GPR135: variants seen among roughly 807,000 people sequenced by gnomAD.
The protein encoded by GPR135 is G protein-coupled receptor 135, also known as G-protein coupled receptor 135.
A neutral mutation model predicts 15.0 loss-of-function variants in GPR135; 17 were observed. That is an observed-to-expected ratio of 1.13 (90% CI 0.78 to 1.70). GPR135 has a LOEUF of 1.70. Among genes scored for constraint, GPR135 ranks in the 40% most tolerant of loss-of-function variants. GPR135 has a pLI of 0.00. For missense variants in GPR135, 776 were observed against 727.0 expected (o/e 1.07, Z -0.78); for synonymous variants, 368 against 349.4 (o/e 1.05, Z -0.59).
Position 59,463,302 on chromosome 14 carries a change from C to A in GPR135, c.*440G>T. 6.1e-6 allele frequency: 1 copy of A among 164,514 alleles called. No homozygotes were observed. Among genetic ancestry groups the A allele is most frequent in the Non-Finnish European group, 1.3e-5 (1 of 75,400 alleles). The allele number at this position is 164,514 out of a possible 1,614,324, so 10.2% of individuals were successfully genotyped here. A position where few individuals can be genotyped will look rare whatever the true frequency, so the allele number is the denominator to read the frequency against. On this transcript the variant is annotated 3_prime_UTR_variant, in exon 1 of 1. Transcript: ENST00000395116. Reference sequence around the variant, plus strand: ...ACCCAAAGCATGTCAGAGGTGCAAGCTCTAGAAGCTAAAGTTTTGTTGGAT... The same window carrying A: ...ACCCAAAGCATGTCAGAGGTGCAAGATCTAGAAGCTAAAGTTTTGTTGGAT...
intron 6 of GPR135, among the ~76,000 whole-genome samples, chr14:59,453,199 G>C (rs1426960521): frequency 6.6e-6 from 1 of 152,194 alleles, no homozygotes; most frequent in South Asian, 2.1e-4. Context: ...ACAACACGAA[G>C]AGTGAATGAA....
In GPR135 at chr14:59,463,929, C is replaced by A. The variant is rs751982630; in HGVS notation, c.1298G>T (p.Arg433Leu). The A allele has an allele frequency of 4.3e-6, 7 of 1,613,848 alleles. No individual in the cohort carries two copies. In the South Asian group the frequency reaches 4.4e-5, roughly 10 times the overall value. Residue 433 changes from arginine (R) to leucine (L), a missense_variant, in exon 1 of 1, where the codon CGC (arginine) becomes CTC (leucine). Arg to Leu is a moderately radical substitution (Grantham distance 102, BLOSUM62 -2). Coordinates refer to ENST00000395116, the MANE Select transcript of GPR135 (RefSeq NM_022571.6). ...QARSRSRLRN[R>L]YANRLGACNR... ...GCAGGCCCCCAGCCGGTTGGCATAG[C>A]GGTTTCGAAGGCGACTGCGGCTTCT... is the stretch of plus-strand genomic sequence containing the variant.
At chr14:59,460,268 G>T (rs1888808184), downstream of GPR135, 1 of 152,166 alleles carries the variant, frequency 6.6e-6, no homozygotes. Flanking sequence ...GATGACTGGG[G>T]TCATCTTGAG....
Position 59,464,293 on chromosome 14 carries a change from G to C in GPR135, c.934C>G (p.Arg312Gly), listed in dbSNP as rs374204109. 1.2e-6 allele frequency: 2 copies of C among 1,611,754 alleles called. No individual in the cohort carries two copies. The change falls in exon 1 of 1, where the codon CGG becomes GGG. Residue 312 changes from arginine to glycine, a missense_variant. By Grantham distance (125) the Arg-to-Gly change is moderately radical. Transcript: ENST00000395116. ...ACGCGCGCGTAGGTGTTCACCGGCC[G>C]CACGCGCACGTCCGACAGGCGCACC... ...KTVRLSDVRV[R>G]PVNTYARVLR... is the part of the protein sequence containing the mutation.
chr14:59,464,249 CT>C lies in GPR135; in HGVS notation c.977del (p.Glu326GlyfsTer11). 1 of 1,611,998 alleles carries C rather than the reference CT, an allele frequency of 6.2e-7. No individual in the cohort carries two copies. The highest frequency in any genetic ancestry group is 8.5e-7 in the Non-Finnish European group (1 of 1,179,910). On this transcript the variant is annotated frameshift_variant, in exon 1 of 1. Coordinates refer to ENST00000395116, the MANE Select transcript of GPR135 (RefSeq NM_022571.6). LOFTEE classifies it high-confidence loss of function. Reference protein sequence around the residue: ...TYARVLRFFSEVRTATTVLIM... With the variant: ...TYARVLRFFSXVRTATTVLIM... ...TGAGGACGGTGGTGGCCGTGCGCAC[CT>C]CGCTGAAGAAGCGCAGCACGCGCGC...
At chr14:59,459,279 T>C (rs1245367542), downstream of GPR135, among the ~76,000 whole-genome samples, 2 of 152,174 alleles carry the variant, frequency 1.3e-5, no homozygotes, top group East Asian at 1.9e-4. Flanking sequence ...TCAAAACATA[T>C]CAAAAACCAA....
downstream of GPR135, among the ~76,000 whole-genome samples, chr14:59,458,025 G>A (rs2139764415): frequency 6.6e-6 from 1 of 152,284 alleles, no homozygotes; most frequent in East Asian, 1.9e-4. Flanking sequence ...CTCCTTCTGT[G>A]AGGCTTATTA....
chr14:59,465,081 GT>G lies in GPR135; in HGVS notation c.145del (p.Thr49ProfsTer7). 3 of 1,376,910 alleles carry G rather than the reference GT, an allele frequency of 2.2e-6. No homozygotes were observed. The highest frequency in any genetic ancestry group is 2.8e-6 in the Non-Finnish European group (3 of 1,066,762). The allele number at this position is 1,376,910 out of a possible 1,614,324, so 85.3% of individuals were successfully genotyped here. A position where few individuals can be genotyped will look rare whatever the true frequency, so the allele number is the denominator to read the frequency against. ...GTCGCTCAGGTTCCCCAGCGCCGCG[GT>G]CGCCACGGTGCTGAAGGAGAGCACG... ...AAVLSFSTVA[T>X]AALGNLSDAS... On this transcript the variant is annotated frameshift_variant, in exon 1 of 1. Transcript: ENST00000395116. LOFTEE classifies it high-confidence loss of function.
downstream of GPR135, among the ~76,000 whole-genome samples, chr14:59,457,884 A>G (rs1888715458): frequency 6.6e-6 from 1 of 152,000 alleles, no homozygotes; most frequent in South Asian, 2.1e-4. Flanking sequence ...ATTTCTGTGC[A>G]TGTCTCATAT....
chr14:59,458,252 G>A (rs965877689), downstream of GPR135, among the ~76,000 whole-genome samples: 1 of 152,076 alleles, frequency 6.6e-6, no homozygotes, highest in Non-Finnish European at 1.5e-5. Context: ...TTTGCTAATT[G>A]CCCTATTGTT....
chr14:59,459,622 T>C (rs760476066), downstream of GPR135, among the ~76,000 whole-genome samples: 15 of 152,246 alleles, frequency 9.9e-5, no homozygotes, highest in Non-Finnish European at 2.1e-4. Context: ...CAGAGTAAGA[T>C]GTTGAGTTGC....
chr14:59,455,503 T>G (rs1293083619), intron 6 of GPR135, among the ~76,000 whole-genome samples: 1 of 152,264 alleles, frequency 6.6e-6, no homozygotes, highest in Non-Finnish European at 1.5e-5. Flanking sequence ...TGTAACAAGC[T>G]AGCTCCAAAT....
rs1189855537 is a variant in GPR135 at position 59,464,964 on chromosome 14, GGCCGCCTCACC to G, written c.252_262del (p.Val85AlafsTer30). 4.0e-6 allele frequency: 6 copies of G among 1,506,050 alleles called. No individual in the cohort carries two copies. The Admixed American group carries it at 1.3e-4, about 34-fold the overall frequency. The allele number at this position is 1,506,050 out of a possible 1,614,324, so 93.3% of individuals were successfully genotyped here. ...CAGCGGCGCCGCCTCCGGGCCTAGCGGCCGCCTCACCGCCGCCCCCGCCTCCCGCGCTGCCC... is the reference window on the plus strand; with the variant it reads ...CAGCGGCGCCGCCTCCGGGCCTAGCGGCCGCCCCCGCCTCCCGCGCTGCCC... On this transcript the variant is annotated frameshift_variant, in exon 1 of 1. Coordinates refer to ENST00000395116, the MANE Select transcript of GPR135 (RefSeq NM_022571.6). LOFTEE classifies it high-confidence loss of function.
chr14:59,464,709 G>A lies in GPR135; in HGVS notation c.518C>T (p.Pro173Leu). The A allele has an allele frequency of 6.4e-7, 1 of 1,568,526 alleles. No homozygotes were observed. The highest frequency in any genetic ancestry group is 8.6e-7 in the Non-Finnish European group (1 of 1,160,228). Residue 173 changes from proline to leucine, a missense_variant, in exon 1 of 1, where the codon CCT becomes CTT. Pro to Leu is a moderately conservative substitution (Grantham distance 98). Transcript: ENST00000395116. ...GCGCCAGGGCCCCGCGGCGGCGGCA[G>A]GCGCCGAACCCCCGGGCGGAGTGAA... is the stretch of plus-strand genomic sequence containing the variant. Reference protein sequence around the residue: ...DLFTPPGGSAPAAAAGPWRGF... With the variant: ...DLFTPPGGSALAAAAGPWRGF...
chr14:59,465,007 C>T lies in GPR135; in HGVS notation c.220G>A (p.Gly74Arg). 7.5e-7 allele frequency: 1 copy of T among 1,340,372 alleles called. No homozygotes were observed. Among genetic ancestry groups the T allele is most frequent in the Non-Finnish European group, 9.5e-7 (1 of 1,049,886 alleles). 83.0% of individuals were successfully genotyped at this position (1,340,372 alleles called of 1,614,324 possible). ...CCCGCCTCCCGCGCTGCCCCGGACC[C>T]GCCAAGGCCGCCGCCACCGGGAGCG... The part of the protein sequence containing the change: ...AAAPGGGGLG[G>R]SGAAREAGAA... Residue 74 changes from glycine to arginine, a missense_variant, in exon 1 of 1, where the codon GGG (glycine) becomes AGG (arginine). Gly to Arg is a moderately radical substitution (Grantham distance 125). Coordinates refer to ENST00000395116, the MANE Select transcript of GPR135 (RefSeq NM_022571.6).
At chr14:59,453,321 T>A (rs1262131) in intron 6 of GPR135, among the ~76,000 whole-genome samples, 82,760 of 151,994 alleles carry the variant, frequency 0.54, 24,878 homozygotes, top group African/African-American at 0.8. Flanking sequence ...GAGGTTTTGC[T>A]TGTGTTGGGG....
In GPR135 at chr14:59,454,400, A is replaced by G. The variant is rs77081868; in HGVS notation, c.*874+1284T>C. Among the ~76,000 whole-genome samples, 1,282 of 152,358 alleles carry G rather than the reference A, an allele frequency of 8.4e-3. 12 individuals are homozygous for G. Among genetic ancestry groups the G allele is most frequent in the Non-Finnish European group, 0.015 (1,026 of 68,032 alleles). On this transcript the variant is annotated intron_variant and NMD_transcript_variant, in intron 6 of 6. Coordinates refer to the GPR135 transcript ENST00000481661. ...TGGTTTATGTTTGGCAAGGTCAAGT[A>G]AGATGGCTGAGAAGTATTCACTGGA... is the stretch of plus-strand genomic sequence containing the variant.
Position 59,464,274 on chromosome 14 carries a change from G to GCGTAGGTGTTCACCGGCCGCACGCGCA in GPR135, c.926_952dup (p.Val309_Tyr317dup), listed in dbSNP as rs771557218. The stretch of plus-strand genomic sequence containing the variant: ...CTCGCTGAAGAAGCGCAGCACGCGC[G>GCGTAGGTGTTCACCGGCCGCACGCGCA]CGTAGGTGTTCACCGGCCGCACGCG... On this transcript the variant is annotated inframe_insertion, in exon 1 of 1. Transcript: ENST00000395116. 4.3e-6 allele frequency: 7 copies of GCGTAGGTGTTCACCGGCCGCACGCGCA among 1,612,206 alleles called. No homozygotes were observed. The highest frequency in any genetic ancestry group is 5.9e-6 in the Non-Finnish European group (7 of 1,179,848).
In GPR135 at chr14:59,464,923, C is replaced by T; in HGVS notation, c.304G>A (p.Ala102Thr). 6.3e-7 allele frequency: 1 copy of T among 1,588,168 alleles called. No homozygotes were observed. The highest frequency in any genetic ancestry group is 8.5e-7 in the Non-Finnish European group (1 of 1,169,912). ...EAAPLLSHGA[A>T]VAAQALVLLL... The stretch of plus-strand genomic sequence containing the variant: ...AGGACGAGCGCCTGGGCCGCCACTG[C>T]AGCTCCGTGCGACAGCAGCGGCGCC... The change falls in exon 1 of 1, where the codon GCA becomes ACA. Residue 102 changes from alanine (A) to threonine (T), a missense_variant. Coordinates refer to ENST00000395116, the MANE Select transcript of GPR135 (RefSeq NM_022571.6).
Sources: allele counts gnomAD v4.1 joint callset (sites outside exome capture counted in the v4.1 genomes callset), GRCh38; gene constraint gnomAD v4.1.1; transcripts MANE v1.5; gene names NCBI Gene and HGNC (gene_info 2026-07-23, HGNC 2026-07-21).